The following DYNC1I1 variants were observed in gnomAD, a reference collection of about 807,000 sequenced individuals.
DYNC1I1 encodes cytoplasmic dynein 1 intermediate chain 1.
Under a neutral mutation model 86.6 loss-of-function variants are expected in DYNC1I1, and 43 were observed. The observed-to-expected ratio is 0.50, with a 90% CI of 0.39 to 0.64. The LOEUF is 0.64. Ranked by LOEUF, DYNC1I1 falls within the 30% of genes least tolerant of loss-of-function variation. DYNC1I1 has a pLI of 0.00. For missense variants in DYNC1I1, 604 were observed against 788.8 expected, an observed-to-expected ratio of 0.77 and a Z score of 2.81; for synonymous variants, 262 against 283.7, an observed-to-expected ratio of 0.92 and a Z score of 0.77.
chr7:95,827,972 G>T (rs1795239424), intron 4 of DYNC1I1, 85 bp from the exon 5 acceptor site: 1 of 1,408,244 alleles, frequency 7.1e-7, no homozygotes, highest in South Asian at 1.2e-5. Context: ...CTCTTGCCTT[G>T]ATGAATGACA....
At chr7:96,068,583 A>T (rs1584295312) in intron 14 of DYNC1I1, among the ~76,000 whole-genome samples, 1 of 152,172 alleles carries the variant, frequency 6.6e-6, no homozygotes, top group African/African-American at 2.4e-5. Context: ...AAATCTGGGC[A>T]CTTGGGTATA....
At position 95,847,050 on chromosome 7, in the gene DYNC1I1, C is replaced by A. The variant is rs1789451743; in HGVS notation, c.374+18934C>A. Among the ~76,000 whole-genome samples, 4 of 152,178 alleles carry A rather than the reference C, an allele frequency of 2.6e-5. No homozygotes were observed. In the South Asian group the frequency reaches 8.3e-4, roughly 32 times the overall value. On this transcript the variant is annotated intron_variant, in intron 5 of 16. Coordinates refer to ENST00000447467, the MANE Select transcript of DYNC1I1 (RefSeq NM_001135556.2). ...ATCCACCAAGTATGCATTTTGTTAA[C>A]CCCAAAGAAAAGGTATTTCTCTAGA...
intron 10 of DYNC1I1, among the ~76,000 whole-genome samples, chr7:96,012,611 G>A (rs1035767907): frequency 6.6e-6 from 1 of 152,190 alleles, no homozygotes; most frequent in African/African-American, 2.4e-5. Flanking sequence ...GCTCGAGTGA[G>A]TATGAAGGTT....
chr7:96,011,201 G>C (rs1794267890), intron 10 of DYNC1I1, among the ~76,000 whole-genome samples: 1 of 152,138 alleles, frequency 6.6e-6, no homozygotes, highest in South Asian at 2.1e-4. Context: ...CTTGACTGTG[G>C]AAGTAGTCTA....
intron 16 of DYNC1I1, among the ~76,000 whole-genome samples, chr7:96,097,267 G>A (rs1024830114): frequency 1.3e-5 from 2 of 152,152 alleles, no homozygotes; most frequent in Non-Finnish European, 2.9e-5. Context: ...TTATGTGAGT[G>A]CTTTTGCTTC....
chr7:95,797,632 T>A (rs746598465), intron 1 of DYNC1I1, among the ~76,000 whole-genome samples: 6 of 152,242 alleles, frequency 3.9e-5, no homozygotes, highest in Non-Finnish European at 7.3e-5. Flanking sequence ...GATTTTAATG[T>A]AACAGAGTAC....
Position 96,080,376 on chromosome 7 carries a change from G to A in DYNC1I1, c.1664G>A (p.Ser555Asn), listed in dbSNP as rs769999342. ...ACCCTTTGGCAGGTTCCAACAGCAA[G>A]TGTGGCCATTGAGGGGGCATCCGCC... ...LNNDTEVPTA[S>N]VAIEGASALN... The change falls in exon 16 of 17, where the codon AGT becomes AAT. Residue 555 changes from serine (S) to asparagine (N), a missense_variant. Coordinates refer to ENST00000447467, the MANE Select transcript of DYNC1I1 (RefSeq NM_001135556.2). 5.6e-6 allele frequency: 9 copies of A among 1,609,102 alleles called. No individual in the cohort carries two copies. In the African/African-American group the frequency reaches 1.1e-4, roughly 19 times the overall value.
chr7:95,786,041 T>C (rs1296273871), intron 1 of DYNC1I1, among the ~76,000 whole-genome samples: 1 of 151,962 alleles, frequency 6.6e-6, no homozygotes, highest in Non-Finnish European at 1.5e-5. Context: ...ATAGACTGAA[T>C]TGGTTTAACA....
At chr7:95,821,669 AATC>A (rs1795079075) in intron 4 of DYNC1I1, among the ~76,000 whole-genome samples, 1 of 152,292 alleles carries the variant, frequency 6.6e-6, no homozygotes, top group East Asian at 1.9e-4. Flanking sequence ...TCATCATTAT[AATC>A]ATCATTATCA....
At chr7:95,874,164 C>T (rs577416307) in intron 6 of DYNC1I1, among the ~76,000 whole-genome samples, 7 of 152,298 alleles carry the variant, frequency 4.6e-5, no homozygotes, top group South Asian at 2.1e-4. Context: ...TTCTTTTCAA[C>T]GGACACTTCA....
intron 9 of DYNC1I1, among the ~76,000 whole-genome samples, chr7:95,991,410 G>A (rs760061742): frequency 2.6e-5 from 4 of 152,158 alleles, no homozygotes; most frequent in Non-Finnish European, 2.9e-5. Flanking sequence ...TTACTGGGGA[G>A]CCATTATAGT....
chr7:96,062,991 G>C (rs1053374121), intron 14 of DYNC1I1, among the ~76,000 whole-genome samples: 2 of 151,982 alleles, frequency 1.3e-5, no homozygotes, highest in Non-Finnish European at 1.5e-5. Context: ...TATTTGTCCC[G>C]GTGGTATCAG....
chr7:96,002,841 T>C (rs1046036668), intron 10 of DYNC1I1, among the ~76,000 whole-genome samples: 5 of 150,340 alleles, frequency 3.3e-5, no homozygotes, highest in African/African-American at 1.2e-4. Context: ...TTTTTTTGTG[T>C]TTTTTTTGTT....
At chr7:96,028,573 T>C (rs1794736965) in intron 11 of DYNC1I1, among the ~76,000 whole-genome samples, 1 of 152,090 alleles carries the variant, frequency 6.6e-6, no homozygotes, top group African/African-American at 2.4e-5. Flanking sequence ...AGGCCACCAG[T>C]GAAGAGAAAC....
At chr7:95,824,139 C>A (rs1319126011) in intron 4 of DYNC1I1, among the ~76,000 whole-genome samples, 1 of 150,990 alleles carries the variant, frequency 6.6e-6, no homozygotes, top group African/African-American at 2.4e-5. Context: ...CACAGGCGAG[C>A]ACCACCATAC....
chr7:95,915,917 CTT>C (rs1791456972), intron 6 of DYNC1I1, among the ~76,000 whole-genome samples: 1 of 152,148 alleles, frequency 6.6e-6, no homozygotes, highest in Non-Finnish European at 1.5e-5. Context: ...GCTTGGTAGT[CTT>C]TTCATCCGTA....
intron 13 of DYNC1I1, among the ~76,000 whole-genome samples, chr7:96,037,938 A>C (rs1356184851): frequency 6.6e-6 from 1 of 152,192 alleles, no homozygotes; most frequent in African/African-American, 2.4e-5. Context: ...TTTTTCACCT[A>C]ACATAGAGAA....
chr7:95,813,489 T>C, intron 4 of DYNC1I1, 152 bp downstream of exon 4: 1 of 977,704 alleles, frequency 1.0e-6, no homozygotes, highest in Non-Finnish European at 1.5e-6. Flanking sequence ...GCTTGCTATT[T>C]TTAGTGGAAT....
chr7:95,889,107 A>G (rs1260870924), intron 6 of DYNC1I1, among the ~76,000 whole-genome samples: 1 of 152,184 alleles, frequency 6.6e-6, no homozygotes, highest in Non-Finnish European at 1.5e-5. Context: ...CAAGCTGAAG[A>G]TAAGAGTTAG....
Sources: allele counts gnomAD v4.1 joint callset (sites outside exome capture counted in the v4.1 genomes callset), GRCh38; gene constraint gnomAD v4.1.1; transcripts MANE v1.5; gene names NCBI Gene and HGNC (gene_info 2026-07-23, HGNC 2026-07-21).